PDE3A: variants seen among roughly 807,000 people sequenced by gnomAD.
The protein encoded by PDE3A is phosphodiesterase 3A.
Under a neutral mutation model 98.3 loss-of-function variants are expected in PDE3A, and 43 were observed. The ratio of observed to expected loss-of-function variants is 0.44; its 90% confidence interval spans 0.34 to 0.56. The LOEUF (loss-of-function observed/expected upper bound fraction) is 0.56. Ranked by LOEUF, PDE3A falls within the 20% of genes least tolerant of loss-of-function variation. PDE3A has a pLI of 0.01. For synonymous variants in PDE3A, 663 were observed against 567.9 expected (o/e 1.17, Z -2.38); for missense variants, 1,427 against 1,440.7 (o/e 0.99, Z 0.15).
At chr12:20,439,985 A>G (rs184150756) in intron 1 of PDE3A, among the ~76,000 whole-genome samples, 2 of 152,290 alleles carry the variant, frequency 1.3e-5, no homozygotes, top group Admixed American at 6.5e-5. Flanking sequence ...GTTGATATCA[A>G]CTTTCAAAAT....
intron 4 of PDE3A, among the ~76,000 whole-genome samples, chr12:20,620,854 T>A (rs1944116222): frequency 6.6e-6 from 1 of 151,990 alleles, no homozygotes; most frequent in African/African-American, 2.4e-5. Context: ...GATTTCATGG[T>A]CATTCAATTT....
At chr12:20,640,139 T>C (rs534005145) in intron 10 of PDE3A, among the ~76,000 whole-genome samples, 182 bp downstream of exon 10, 12 of 152,184 alleles carry the variant, frequency 7.9e-5, no homozygotes, top group Non-Finnish European at 4.4e-5. Flanking sequence ...CCTTTACTTT[T>C]CAGCTGTGTG....
At chr12:20,616,407 T>A (rs377653746) in intron 4 of PDE3A, 23 bp downstream of exon 4, 2 of 1,608,402 alleles carry the variant, frequency 1.2e-6, no homozygotes, top group Non-Finnish European at 1.7e-6. Flanking sequence ...TCCTGCTGGT[T>A]TAATGTCTCT....
At chr12:20,665,820 AT>A (rs1444516950) in intron 15 of PDE3A, among the ~76,000 whole-genome samples, 3 of 152,094 alleles carry the variant, frequency 2.0e-5, no homozygotes, top group African/African-American at 7.2e-5. Flanking sequence ...CTTATGTAAT[AT>A]GCAACTTTTT....
At chr12:20,634,718 T>G (rs1024154030) in intron 7 of PDE3A, among the ~76,000 whole-genome samples, 184 bp from the exon 8 acceptor site, 5 of 152,332 alleles carry the variant, frequency 3.3e-5, no homozygotes, top group Middle Eastern at 3.4e-3. Flanking sequence ...AATTTCCATC[T>G]GTTTTACTTT....
chr12:20,639,653 A>G (rs1345298424), intron 9 of PDE3A, among the ~76,000 whole-genome samples, 193 bp from the exon 10 acceptor site: 1 of 152,154 alleles, frequency 6.6e-6, no homozygotes, highest in African/African-American at 2.4e-5. Context: ...TGCAATGGAA[A>G]TAAGTTCTCA....
chr12:20,381,464 C>T (rs556373146), intron 1 of PDE3A, among the ~76,000 whole-genome samples: 2 of 151,704 alleles, frequency 1.3e-5, no homozygotes, highest in Non-Finnish European at 2.9e-5. Flanking sequence ...AAAACTAGAA[C>T]GCTTTATGAT....
chr12:20,444,823 G>A (rs1332716357), intron 1 of PDE3A, among the ~76,000 whole-genome samples: 1 of 152,130 alleles, frequency 6.6e-6, no homozygotes, highest in East Asian at 1.9e-4. Flanking sequence ...GCCTTAAATT[G>A]TCTGCCTCAG....
Position 20,552,276 on chromosome 12 carries a change from C to G in PDE3A, c.961-4384C>G. The G allele has an allele frequency of 6.2e-6, 10 of 1,613,848 alleles. No individual in the cohort carries two copies. The highest frequency in any genetic ancestry group is 8.5e-6 in the Non-Finnish European group (10 of 1,179,890). ...GTGGCAAGAATAGCAAGTACGCCCC[C>G]GCTGAGGGCAACCGCTACGATGGCA... On this transcript the variant is annotated intron_variant, in intron 1 of 15. Transcript: ENST00000359062. The surrounding 1 kb of genome is among the most constrained non-coding windows in gnomAD (Gnocchi z 5.1).
At chr12:20,551,789 C>G in intron 1 of PDE3A, 2 of 1,613,940 alleles carry the variant, frequency 1.2e-6, no homozygotes, top group Non-Finnish European at 1.7e-6. Flanking sequence ...GCGAAGATGG[C>G]CTCGGCCACA....
intron 15 of PDE3A, among the ~76,000 whole-genome samples, chr12:20,676,959 C>T (rs1030251061): frequency 6.6e-6 from 1 of 151,956 alleles, no homozygotes; most frequent in Non-Finnish European, 1.5e-5. Flanking sequence ...GTTTTCTGTC[C>T]CTTTTATTTT....
chr12:20,676,908 G>A (rs1052542721), intron 15 of PDE3A, among the ~76,000 whole-genome samples: 1 of 152,068 alleles, frequency 6.6e-6, no homozygotes, highest in Non-Finnish European at 1.5e-5. Context: ...ATCTCTTTTT[G>A]TTAGACTTGG....
intron 1 of PDE3A, among the ~76,000 whole-genome samples, chr12:20,428,447 T>A (rs976917398): frequency 4.6e-5 from 7 of 151,106 alleles, no homozygotes; most frequent in African/African-American, 1.7e-4. Context: ...GCCCGGCTAA[T>A]TTTTTTTGTA....
chr12:20,610,019 A>G (rs998498666), intron 2 of PDE3A, among the ~76,000 whole-genome samples: 6 of 151,916 alleles, frequency 3.9e-5, no homozygotes, highest in African/African-American at 1.4e-4. Flanking sequence ...CCAAAATCTC[A>G]GGCCAAAAGA....
chr12:20,607,935 T>C (rs1213571236), intron 2 of PDE3A, among the ~76,000 whole-genome samples: 1 of 152,200 alleles, frequency 6.6e-6, no homozygotes, highest in Non-Finnish European at 1.5e-5. Flanking sequence ...CTGAGTACCA[T>C]TGGTATACCT....
chr12:20,451,292 G>A (rs894975292), intron 1 of PDE3A, among the ~76,000 whole-genome samples: 3 of 151,490 alleles, frequency 2.0e-5, no homozygotes, highest in Admixed American at 6.6e-5. Context: ...TATTTTTTTC[G>A]AGGTGGAGTC....
chr12:20,622,337 C>G (rs1159828153), intron 5 of PDE3A, among the ~76,000 whole-genome samples: 1 of 152,104 alleles, frequency 6.6e-6, no homozygotes, highest in Non-Finnish European at 1.5e-5. Flanking sequence ...GTAAATCATG[C>G]TATGAAGGCA....
At chr12:20,655,868 G>C (rs1456050885) in intron 15 of PDE3A, among the ~76,000 whole-genome samples, 2 of 152,184 alleles carry the variant, frequency 1.3e-5, no homozygotes, top group Non-Finnish European at 2.9e-5. Flanking sequence ...ATCCAAGTGA[G>C]AGATGCCTGT....
At chr12:20,563,800 G>A (rs190195966) in intron 2 of PDE3A, among the ~76,000 whole-genome samples, 1 of 152,176 alleles carries the variant, frequency 6.6e-6, no homozygotes, top group East Asian at 1.9e-4. Flanking sequence ...GACAGGAAGG[G>A]ACCTAAATAT....
Sources: gnomAD v4.1 joint callset for allele counts (sites outside exome capture counted in the v4.1 genomes callset) on GRCh38, gnomAD v4.1.1 for gene constraint, Gnocchi (gnomAD v3.1) non-coding constraint, MANE v1.5 for transcripts, NCBI Gene and HGNC (gene_info 2026-07-23, HGNC 2026-07-21) for gene names.